Variants in ADAMTS18 observed in about 807,000 individuals in gnomAD.
The protein encoded by ADAMTS18 is ADAM metallopeptidase with thrombospondin type 1 motif 18.
A neutral mutation model predicts 165.9 loss-of-function variants in ADAMTS18; 157 were observed. The observed-to-expected ratio is 0.95, with a 90% confidence interval of 0.83 to 1.08. The LOEUF (loss-of-function observed/expected upper bound fraction) is 1.08. Among genes scored for constraint, ADAMTS18 ranks in the 50% least tolerant of loss-of-function variants. ADAMTS18 has a pLI of 0.00. For missense variants in ADAMTS18, 2,040 were observed against 1,534.0 expected, an observed-to-expected ratio of 1.33 and a Z score of -5.51; for synonymous variants, 782 against 578.2, an observed-to-expected ratio of 1.35 and a Z score of -5.06.
chr16:77,387,439 G>T (rs17620748), intron 3 of ADAMTS18, among the ~76,000 whole-genome samples: 1 of 152,044 alleles, frequency 6.6e-6, no homozygotes, highest in Non-Finnish European at 1.5e-5. Context: ...AATAAAAGCA[G>T]ATAACCAGCT....
In ADAMTS18 at chr16:77,364,510, G is replaced by C. The variant is rs116132666; in HGVS notation, c.779-129C>G. On this transcript the variant is annotated intron_variant, in intron 4 of 22. Coordinates refer to ENST00000282849, the MANE Select transcript of ADAMTS18 (RefSeq NM_199355.4). The stretch of plus-strand genomic sequence containing the variant: ...ACACACCACCAATCCACTAACAAGT[G>C]ATGCTATCAGTGCCTGCCCAGGTGC... The C allele has an allele frequency of 6.9e-6, 7 of 1,009,994 alleles. No homozygotes were observed. In the African/African-American group the frequency reaches 1.2e-4, roughly 17 times the overall value. The allele number at this position is 1,009,994 out of a possible 1,614,324, so 62.6% of individuals were successfully genotyped here. A position where few individuals can be genotyped will look rare whatever the true frequency, so the allele number is the denominator to read the frequency against.
At chr16:77,430,450 A>G (rs1053278007) in intron 3 of ADAMTS18, among the ~76,000 whole-genome samples, 1 of 152,204 alleles carries the variant, frequency 6.6e-6, no homozygotes, top group Non-Finnish European at 1.5e-5. Context: ...TACCATGTAC[A>G]TTACTCACTA....
At position 77,431,392 on chromosome 16, in the gene ADAMTS18, G is replaced by A; in HGVS notation, c.398C>T (p.Ser133Leu). The change falls in exon 3 of 23, where the codon TCA becomes TTA. Residue 133 changes from serine to leucine, a missense_variant. Coordinates refer to ENST00000282849, the MANE Select transcript of ADAMTS18 (RefSeq NM_199355.4). ...IVQVLGKDGA[S>L]ETQKPEVQQC... ...CTGCACCTCGGGTTTCTGAGTCTCT[G>A]AAGCACCATCTTTTCCAAGTACCTG... 6.2e-7 allele frequency: 1 copy of A among 1,614,146 alleles called. No homozygotes were observed. The highest frequency in any genetic ancestry group is 8.5e-7 in the Non-Finnish European group (1 of 1,180,030).
chr16:77,350,363 G>A (rs1597155460), intron 10 of ADAMTS18, among the ~76,000 whole-genome samples: 1 of 152,126 alleles, frequency 6.6e-6, no homozygotes, highest in Non-Finnish European at 1.5e-5. Flanking sequence ...GGCAGCCACT[G>A]GGGAAGAAGA....
At chr16:77,299,499 A>C (rs1171528444) in intron 17 of ADAMTS18, among the ~76,000 whole-genome samples, 3 of 152,102 alleles carry the variant, frequency 2.0e-5, no homozygotes, top group Non-Finnish European at 1.5e-5. Context: ...TCTAAGCCTT[A>C]TTATGCTTAG....
chr16:77,365,483 A>G (rs557832082), intron 4 of ADAMTS18, among the ~76,000 whole-genome samples: 2 of 152,238 alleles, frequency 1.3e-5, no homozygotes, highest in African/African-American at 2.4e-5. Flanking sequence ...TGATGTGACA[A>G]TGACTTAGTT....
intron 3 of ADAMTS18, among the ~76,000 whole-genome samples, chr16:77,424,468 C>CAAA (rs4038057): frequency 1.8e-4 from 19 of 107,764 alleles, no homozygotes; most frequent in Non-Finnish European, 3.1e-4. Context: ...AACTCCATCT[C>CAAA]AAAAAAAAAA....
chr16:77,383,066 T>C (rs1287235566), intron 3 of ADAMTS18, among the ~76,000 whole-genome samples: 1 of 152,198 alleles, frequency 6.6e-6, no homozygotes, highest in Non-Finnish European at 1.5e-5. Context: ...TACTGACAAA[T>C]TGCGATGAAC....
chr16:77,285,791 G>A (rs1344961885), intron 22 of ADAMTS18, among the ~76,000 whole-genome samples: 1 of 152,102 alleles, frequency 6.6e-6, no homozygotes, highest in Non-Finnish European at 1.5e-5. Flanking sequence ...CATGCAATCA[G>A]CAGATACTCT....
At chr16:77,293,467 A>G (rs1450430132) in intron 19 of ADAMTS18, among the ~76,000 whole-genome samples, 1 of 151,940 alleles carries the variant, frequency 6.6e-6, no homozygotes, top group African/African-American at 2.4e-5. Context: ...TCTTTCTGTA[A>G]ATTATATTGC....
chr16:77,364,379 C>G lies in ADAMTS18; in HGVS notation c.781G>C (p.Ala261Pro). 1 of 1,613,434 alleles carries G rather than the reference C, an allele frequency of 6.2e-7. No individual in the cohort carries two copies. Among genetic ancestry groups the G allele is most frequent in the South Asian group, 1.1e-5 (1 of 91,020 alleles). Residue 261 changes from alanine (A) to proline (P), a missense_variant and splice_region_variant, in exon 5 of 23, where the codon GCT becomes CCT. Coordinates refer to ENST00000282849, the MANE Select transcript of ADAMTS18 (RefSeq NM_199355.4). The part of the protein sequence containing the change: ...QHFCGRRKKY[A>P]PKPPTEDTYL... ...GTGTCCTCTGTGGGAGGCTTGGGAG[C>G]ATCTACGATGAACAGAAGAGCATTT...
At chr16:77,383,176 C>T (rs2057056925) in intron 3 of ADAMTS18, among the ~76,000 whole-genome samples, 1 of 152,162 alleles carries the variant, frequency 6.6e-6, no homozygotes, top group Admixed American at 6.5e-5. Context: ...TCTCCTATCT[C>T]CTCTCCCTGT....
At chr16:77,431,695 AC>A in intron 2 of ADAMTS18, 84 bp from the exon 3 acceptor site, 1 of 1,389,034 alleles carries the variant, frequency 7.2e-7, no homozygotes, top group Non-Finnish European at 1.0e-6. Context: ...AAAGAGCAAC[AC>A]AAAGCTCAAA....
intron 19 of ADAMTS18, 112 bp downstream of exon 19, chr16:77,294,811 G>T (rs1217209168): frequency 2.9e-6 from 3 of 1,046,510 alleles, no homozygotes; most frequent in Non-Finnish European, 4.3e-6. Flanking sequence ...ATGAACTCAG[G>T]GTGATTTCCA....
chr16:77,397,519 T>C (rs1460577592), intron 3 of ADAMTS18, among the ~76,000 whole-genome samples: 1 of 152,246 alleles, frequency 6.6e-6, no homozygotes, highest in South Asian at 2.1e-4. Flanking sequence ...CTTAACTAGA[T>C]AGTTATGTAG....
chr16:77,325,761 G>A, intron 13 of ADAMTS18, 105 bp downstream of exon 13: 2 of 1,210,974 alleles, frequency 1.7e-6, no homozygotes, highest in East Asian at 2.4e-5. Context: ...GGAGTGAAAG[G>A]TAAACATTCA....
intron 3 of ADAMTS18, among the ~76,000 whole-genome samples, chr16:77,378,212 C>T (rs771955430): frequency 3.3e-5 from 5 of 151,948 alleles, no homozygotes; most frequent in Non-Finnish European, 5.9e-5. Context: ...ATAGTCCCAG[C>T]TACTCAGGAG....
intron 10 of ADAMTS18, 108 bp from the exon 11 acceptor site, chr16:77,341,907 G>T: frequency 2.2e-6 from 2 of 898,644 alleles, no homozygotes; most frequent in Non-Finnish European, 3.5e-6. Context: ...TGAAATCAGA[G>T]CAATTATTCA....
At position 77,372,313 on chromosome 16, in the gene ADAMTS18, A is replaced by C. The variant is rs547535120; in HGVS notation, c.496-4590T>G. Among the ~76,000 whole-genome samples, 90 of 152,336 alleles carry C rather than the reference A, an allele frequency of 5.9e-4. 1 individual carries two copies. The highest frequency in any genetic ancestry group is 1.2e-3 in the South Asian group (6 of 4,834). On this transcript the variant is annotated intron_variant, in intron 3 of 22. Coordinates refer to ENST00000282849, the MANE Select transcript of ADAMTS18 (RefSeq NM_199355.4). Reference sequence around the variant, plus strand: ...CTCAGTATGTTGAAGAGATATCTGCACTCCAGTGTTTATTGCAGCACTAGT... The same window carrying C: ...CTCAGTATGTTGAAGAGATATCTGCCCTCCAGTGTTTATTGCAGCACTAGT...
Sources: gnomAD v4.1 joint callset for allele counts (sites outside exome capture counted in the v4.1 genomes callset) on GRCh38, gnomAD v4.1.1 for gene constraint, MANE v1.5 for transcripts, NCBI Gene and HGNC (gene_info 2026-07-23, HGNC 2026-07-21) for gene names.